SPIDR: variants seen among roughly 807,000 people sequenced by gnomAD.
SPIDR encodes the protein DNA repair-scaffolding protein.
SPIDR carries 93 observed loss-of-function variants against 104.6 expected under a neutral mutation model. The observed-to-expected ratio is 0.89, with a 90% CI of 0.75 to 1.06. SPIDR has a LOEUF of 1.06. Among genes scored for constraint, SPIDR ranks in the 50% least tolerant of loss-of-function variants. SPIDR has a pLI of 0.00. For missense variants in SPIDR, 1,154 were observed against 1,111.2 expected, an observed-to-expected ratio of 1.04 and a Z score of -0.55; for synonymous variants, 431 against 416.9, an observed-to-expected ratio of 1.03 and a Z score of -0.41.
At chr8:47,705,457 A>G (rs2080944930) in intron 14 of SPIDR, among the ~76,000 whole-genome samples, 1 of 152,206 alleles carries the variant, frequency 6.6e-6, no homozygotes, top group Non-Finnish European at 1.5e-5. Flanking sequence ...TTTTGTGTGT[A>G]AAAGAATCAC....
chr8:47,324,308 CCTT>C, intron 5 of SPIDR, among the ~76,000 whole-genome samples: 1 of 152,210 alleles, frequency 6.6e-6, no homozygotes, highest in South Asian at 2.1e-4. Flanking sequence ...AATGGCCTTT[CCTT>C]CTTTCCCCTA....
intron 8 of SPIDR, among the ~76,000 whole-genome samples, chr8:47,538,397 G>A (rs1273619126): frequency 6.6e-6 from 1 of 151,830 alleles, no homozygotes; most frequent in East Asian, 1.9e-4. Context: ...ACAAAAATTA[G>A]CTAGGGTGTG....
At chr8:47,571,362 G>A (rs979328206) in intron 8 of SPIDR, among the ~76,000 whole-genome samples, 9 of 152,054 alleles carry the variant, frequency 5.9e-5, no homozygotes, top group Middle Eastern at 3.2e-3. Flanking sequence ...CACTCTATAC[G>A]TACTTCAGAC....
In SPIDR at chr8:47,505,009, G is replaced by A. The variant is rs2087493; in HGVS notation, c.1097+64467G>A. ...TCTCTGGAAGTTTTGTCTCAGCGGA[G>A]TACCCGGCCGTGTGAGGTGTCAGTC... On this transcript the variant is annotated intron_variant, in intron 8 of 19. Coordinates refer to ENST00000297423, the MANE Select transcript of SPIDR (RefSeq NM_001080394.4). Among the ~76,000 whole-genome samples, 26 of 152,298 alleles carry A rather than the reference G, an allele frequency of 1.7e-4. No individual in the cohort carries two copies. In the East Asian group the frequency reaches 5.0e-3, roughly 29 times the overall value.
At chr8:47,402,823 A>T (rs2062093748) in intron 6 of SPIDR, among the ~76,000 whole-genome samples, 1 of 152,256 alleles carries the variant, frequency 6.6e-6, no homozygotes, top group Non-Finnish European at 1.5e-5. Context: ...AATCAATAGA[A>T]AAAGAGAGAA....
At chr8:47,614,617 C>T (rs2064042002) in intron 10 of SPIDR, among the ~76,000 whole-genome samples, 1 of 152,176 alleles carries the variant, frequency 6.6e-6, no homozygotes, top group South Asian at 2.1e-4. Flanking sequence ...TGGGTTGATT[C>T]TGTCTTTGCT....
intron 16 of SPIDR, among the ~76,000 whole-genome samples, chr8:47,716,751 C>T (rs1381892178): frequency 6.6e-6 from 1 of 151,910 alleles, no homozygotes; most frequent in African/African-American, 2.4e-5. Flanking sequence ...TAGAGTTGGG[C>T]AAGGCTGTAA....
chr8:47,513,386 A>G (rs558679709), intron 8 of SPIDR, among the ~76,000 whole-genome samples: 15 of 152,350 alleles, frequency 9.8e-5, no homozygotes, highest in African/African-American at 3.4e-4. Context: ...CAAAATCACT[A>G]TACGGGTTTA....
chr8:47,689,667 A>G (rs1563552751), intron 11 of SPIDR, among the ~76,000 whole-genome samples: 1 of 152,164 alleles, frequency 6.6e-6, no homozygotes, highest in Non-Finnish European at 1.5e-5. Flanking sequence ...AGGCATGGGT[A>G]GAACAGAGTC....
intron 8 of SPIDR, among the ~76,000 whole-genome samples, chr8:47,466,887 GAAAAAA>G (rs148299700): frequency 2.0e-5 from 1 of 48,972 alleles, no homozygotes; most frequent in African/African-American, 6.7e-5. Flanking sequence ...AGTTTTTTTT[GAAAAAA>G]AAAAAAAATA....
Position 47,701,767 on chromosome 8 carries a change from C to A in SPIDR, c.1820C>A (p.Ala607Asp), listed in dbSNP as rs761061728. Residue 607 changes from alanine (A) to aspartate (D), a missense_variant, in exon 13 of 20, where the codon GCT becomes GAT. Physicochemically the swap from Ala to Asp is moderately radical, Grantham distance 126. Coordinates refer to ENST00000297423, the MANE Select transcript of SPIDR (RefSeq NM_001080394.4). ...PPPALCYILT[A>D]HPNLGQIDII... ...CCAGCCTTGTGTTACATCCTCACAG[C>A]TCATCCAAATCTGGGACAAATTGAT... is the stretch of plus-strand genomic sequence containing the variant. 1.2e-6 allele frequency: 2 copies of A among 1,614,152 alleles called. No homozygotes were observed. The highest frequency in any genetic ancestry group is 4.5e-5 in the East Asian group (2 of 44,874).
chr8:47,623,499 C>T (rs577177075), intron 10 of SPIDR, among the ~76,000 whole-genome samples: 4 of 152,166 alleles, frequency 2.6e-5, no homozygotes, highest in East Asian at 1.9e-4. Context: ...ACCCATCTCA[C>T]GTGCAGAGAC....
intron 5 of SPIDR, among the ~76,000 whole-genome samples, chr8:47,345,437 G>T (rs1045238513): frequency 5.3e-5 from 8 of 152,172 alleles, no homozygotes; most frequent in Admixed American, 2.0e-4. Flanking sequence ...GATTGACTTG[G>T]CAATGCGGGC....
At chr8:47,554,635 C>A (rs765715890) in intron 8 of SPIDR, among the ~76,000 whole-genome samples, 5 of 152,170 alleles carry the variant, frequency 3.3e-5, no homozygotes, top group Admixed American at 3.3e-4. Flanking sequence ...TCCCGATTTT[C>A]TAGGTACTGT....
chr8:47,696,332 G>GT (rs943323823), intron 11 of SPIDR, among the ~76,000 whole-genome samples: 4 of 151,808 alleles, frequency 2.6e-5, no homozygotes, highest in Admixed American at 6.6e-5. Flanking sequence ...AAGAAAATTG[G>GT]TTTTTTTTCA....
chr8:47,418,545 T>C (rs1289085461), intron 7 of SPIDR, among the ~76,000 whole-genome samples: 4 of 152,220 alleles, frequency 2.6e-5, no homozygotes, highest in South Asian at 4.1e-4. Context: ...TTTCTAGATA[T>C]ACAATCATGT....
At chr8:47,568,144 A>T (rs1465131653) in intron 8 of SPIDR, among the ~76,000 whole-genome samples, 2 of 152,008 alleles carry the variant, frequency 1.3e-5, no homozygotes, top group African/African-American at 2.4e-5. Flanking sequence ...ACTTTATAGA[A>T]ATATATATTA....
At chr8:47,477,223 A>G (rs1320554287) in intron 8 of SPIDR, among the ~76,000 whole-genome samples, 1 of 151,794 alleles carries the variant, frequency 6.6e-6, no homozygotes, top group Non-Finnish European at 1.5e-5. Flanking sequence ...TTTTTGAGAC[A>G]GAGTCTCGCT....
chr8:47,359,965 G>A (rs1366074229), intron 5 of SPIDR, among the ~76,000 whole-genome samples: 1 of 152,096 alleles, frequency 6.6e-6, no homozygotes, highest in Non-Finnish European at 1.5e-5. Context: ...GGACTGGGCT[G>A]GGTGCAGTGG....
Sources: allele counts gnomAD v4.1 joint callset (sites outside exome capture counted in the v4.1 genomes callset), GRCh38; gene constraint gnomAD v4.1.1; transcripts MANE v1.5; gene names NCBI Gene and HGNC (gene_info 2026-07-23, HGNC 2026-07-21).